The following GRIK2 variants were observed in gnomAD, a reference collection of about 807,000 sequenced individuals.
GRIK2 encodes the protein glutamate ionotropic receptor kainate type subunit 2.
GRIK2 carries 32 observed loss-of-function variants against 100.3 expected under a neutral mutation model. That is an observed-to-expected ratio of 0.32 (90% CI 0.24 to 0.43). The LOEUF is 0.43. Ranked by LOEUF, GRIK2 falls within the 20% of genes least tolerant of loss-of-function variation. GRIK2 has a pLI of 1.00. For missense variants in GRIK2, 843 were observed against 1,114.9 expected (o/e 0.76, Z 3.47); for synonymous variants, 417 against 389.4 (o/e 1.07, Z -0.83).
intron 2 of GRIK2, among the ~76,000 whole-genome samples, chr6:101,469,180 A>G (rs1771813902): frequency 6.6e-6 from 1 of 152,214 alleles, no homozygotes. Context: ...TTGTTCAAAA[A>G]TATCAGAGCT....
chr6:101,964,827 G>A (rs1158190313), intron 14 of GRIK2, among the ~76,000 whole-genome samples: 2 of 152,166 alleles, frequency 1.3e-5, no homozygotes, highest in Non-Finnish European at 2.9e-5. Flanking sequence ...AATGAGTCAG[G>A]AGGACAGTTC....
chr6:101,544,658 C>T (rs549487121), intron 2 of GRIK2, among the ~76,000 whole-genome samples: 1 of 152,274 alleles, frequency 6.6e-6, no homozygotes, highest in African/African-American at 2.4e-5. Flanking sequence ...TTCGTCTAAC[C>T]TTTGAGTGCC....
At chr6:101,665,891 T>A (rs371813299) in intron 4 of GRIK2, among the ~76,000 whole-genome samples, 4 of 152,102 alleles carry the variant, frequency 2.6e-5, no homozygotes, top group East Asian at 1.9e-4. Flanking sequence ...TACTTAGAGA[T>A]GATTGAGGGA....
intron 2 of GRIK2, among the ~76,000 whole-genome samples, chr6:101,498,272 G>T (rs1773557371): frequency 6.6e-6 from 1 of 151,426 alleles, no homozygotes; most frequent in Non-Finnish European, 1.5e-5. Context: ...TATCATTGTT[G>T]GACATTTGGG....
At chr6:101,980,225 T>A (rs148227125) in intron 14 of GRIK2, among the ~76,000 whole-genome samples, 2 of 152,088 alleles carry the variant, frequency 1.3e-5, no homozygotes, top group African/African-American at 4.8e-5. Context: ...CAAATATTTT[T>A]GGAAATCTTT....
chr6:101,395,761 T>C (rs900155580), intron 1 of GRIK2, among the ~76,000 whole-genome samples: 1 of 152,106 alleles, frequency 6.6e-6, no homozygotes, highest in Non-Finnish European at 1.5e-5. Context: ...AGGTTTGATA[T>C]TTGTGTCAGC....
intron 2 of GRIK2, among the ~76,000 whole-genome samples, chr6:101,510,853 T>C (rs1037398648): frequency 6.6e-6 from 1 of 151,894 alleles, no homozygotes; most frequent in African/African-American, 2.4e-5. Context: ...AAAATAGGGC[T>C]GCTATTACTA....
chr6:101,929,837 G>C lies in GRIK2; in HGVS notation c.2085+1205G>C, dbSNP rs560340097. On this transcript the variant is annotated intron_variant, in intron 14 of 16. Coordinates refer to ENST00000369134, the MANE Select transcript of GRIK2 (RefSeq NM_021956.5). ...TGAATTTCTCATATGACTAGATTAA[G>C]TATTGGATATGGATTTCACATTTAC... Among the ~76,000 whole-genome samples, 3 of 152,122 alleles carry C rather than the reference G, an allele frequency of 2.0e-5. No homozygotes were observed. The East Asian group carries it at 5.8e-4, about 29-fold the overall frequency.
chr6:101,883,666 G>A (rs1480642147), intron 11 of GRIK2, among the ~76,000 whole-genome samples: 1 of 152,084 alleles, frequency 6.6e-6, no homozygotes, highest in African/African-American at 2.4e-5. Context: ...TTGCGAAAGT[G>A]ACATCAAAGC....
chr6:102,054,731 G>C (rs1032088959), intron 15 of GRIK2, among the ~76,000 whole-genome samples: 1 of 152,088 alleles, frequency 6.6e-6, no homozygotes, highest in Non-Finnish European at 1.5e-5. Context: ...TATGCCCCTT[G>C]ATTTATAAAG....
chr6:101,510,191 T>G (rs1017635558), intron 2 of GRIK2, among the ~76,000 whole-genome samples: 1 of 152,216 alleles, frequency 6.6e-6, no homozygotes, highest in African/African-American at 2.4e-5. Flanking sequence ...TGGGCAAACA[T>G]GTCCATAAAA....
chr6:101,425,072 A>G (rs923819614), intron 2 of GRIK2, among the ~76,000 whole-genome samples: 2 of 148,296 alleles, frequency 1.3e-5, no homozygotes, highest in African/African-American at 2.4e-5. Flanking sequence ...TCATTGTTGG[A>G]CATGTGGGTT....
chr6:102,028,959 T>A (rs565003653), intron 14 of GRIK2, among the ~76,000 whole-genome samples: 15 of 151,478 alleles, frequency 9.9e-5, no homozygotes, highest in Non-Finnish European at 3.0e-5. Flanking sequence ...GTTACCTCAA[T>A]TATTTGCTAA....
In GRIK2 at chr6:101,910,588, A is replaced by G. The variant is rs1788607310; in HGVS notation, c.1749-14013A>G. On this transcript the variant is annotated intron_variant, in intron 12 of 16. Coordinates refer to ENST00000369134, the MANE Select transcript of GRIK2 (RefSeq NM_021956.5). Reference sequence around the variant, plus strand: ...TAGTACTTATTTATAAGGAAAGAACATAGACCTAATCATATTGTATATTTG... The same window carrying G: ...TAGTACTTATTTATAAGGAAAGAACGTAGACCTAATCATATTGTATATTTG... Among the ~76,000 whole-genome samples the G allele has an allele frequency of 2.0e-5, 3 of 151,326 alleles. No homozygotes were observed. In the South Asian group the frequency reaches 6.2e-4, roughly 31 times the overall value.
At chr6:102,010,418 CTG>C (rs1439617903) in intron 14 of GRIK2, among the ~76,000 whole-genome samples, 1 of 151,152 alleles carries the variant, frequency 6.6e-6, no homozygotes, top group Non-Finnish European at 1.5e-5. Context: ...GAGTCTCACT[CTG>C]TCGCCCAGGC....
At chr6:101,709,030 A>G (rs1289295308) in intron 7 of GRIK2, among the ~76,000 whole-genome samples, 1 of 151,858 alleles carries the variant, frequency 6.6e-6, no homozygotes, top group Non-Finnish European at 1.5e-5. Flanking sequence ...TAGTCAATTT[A>G]AAATTTAAAA....
chr6:101,891,350 T>C (rs141050063), intron 12 of GRIK2, among the ~76,000 whole-genome samples: 2,818 of 151,532 alleles, frequency 0.019, 68 homozygotes, highest in African/African-American at 0.054. Flanking sequence ...AACCCCGTCT[T>C]TACTAAAAAT....
chr6:101,521,636 A>G (rs967460345), intron 2 of GRIK2, among the ~76,000 whole-genome samples: 1 of 151,866 alleles, frequency 6.6e-6, no homozygotes, highest in Non-Finnish European at 1.5e-5. Context: ...TTTAATAATA[A>G]TATGAAATAA....
At chr6:101,675,513 C>A (rs1770769181) in intron 4 of GRIK2, among the ~76,000 whole-genome samples, 1 of 152,076 alleles carries the variant, frequency 6.6e-6, no homozygotes. Flanking sequence ...AAAATTGCTT[C>A]ATTTGATCCA....
Sources: gnomAD v4.1 joint callset for allele counts (sites outside exome capture counted in the v4.1 genomes callset) on GRCh38, gnomAD v4.1.1 for gene constraint, MANE v1.5 for transcripts, NCBI Gene and HGNC (gene_info 2026-07-23, HGNC 2026-07-21) for gene names.